The following MALRD1 variants were observed in gnomAD, a reference collection of about 807,000 sequenced individuals.
MALRD1 encodes the protein MAM and LDL-receptor class A domain-containing protein 1.
A neutral mutation model predicts 242.1 loss-of-function variants in MALRD1; 247 were observed. The ratio of observed to expected loss-of-function variants is 1.02; its 90% CI spans 0.92 to 1.13. The LOEUF (loss-of-function observed/expected upper bound fraction) is 1.13. MALRD1 is among the 50% of genes most tolerant of loss of function. The pLI, the probability that MALRD1 is intolerant of heterozygous loss-of-function variation, is 0.00. For synonymous variants in MALRD1, 995 were observed against 866.6 expected (o/e 1.15, Z -2.60); for missense variants, 2,989 against 2,533.1 (o/e 1.18, Z -3.86).
At chr10:19,187,345 T>C (rs1835785118) in intron 14 of MALRD1, among the ~76,000 whole-genome samples, 1 of 152,016 alleles carries the variant, frequency 6.6e-6, no homozygotes, top group African/African-American at 2.4e-5. Context: ...GCAAGGGAGC[T>C]TTGCAATTTC....
At chr10:19,570,141 T>G (rs1220095824) in intron 33 of MALRD1, among the ~76,000 whole-genome samples, 1 of 151,980 alleles carries the variant, frequency 6.6e-6, no homozygotes, top group African/African-American at 2.4e-5. Context: ...ACCTTGAACT[T>G]TGTCATTTTG....
At chr10:19,556,807 G>A (rs961702140) in intron 32 of MALRD1, among the ~76,000 whole-genome samples, 2 of 152,134 alleles carry the variant, frequency 1.3e-5, no homozygotes, top group Non-Finnish European at 2.9e-5. Context: ...CATGGTAAGA[G>A]TATGTTCAGT....
chr10:19,712,518 T>C (rs1834174751), intron 38 of MALRD1, among the ~76,000 whole-genome samples: 1 of 152,198 alleles, frequency 6.6e-6, no homozygotes, highest in South Asian at 2.1e-4. Flanking sequence ...AGACAGATTC[T>C]TAACATAAGG....
intron 18 of MALRD1, among the ~76,000 whole-genome samples, chr10:19,230,927 A>G (rs1003337887): frequency 6.6e-6 from 1 of 152,192 alleles, no homozygotes; most frequent in Non-Finnish European, 1.5e-5. Flanking sequence ...TTAACTGGCC[A>G]TGAAATAGCT....
chr10:19,348,769 C>A (rs1470378430), intron 25 of MALRD1, among the ~76,000 whole-genome samples: 1 of 152,110 alleles, frequency 6.6e-6, no homozygotes, highest in Non-Finnish European at 1.5e-5. Context: ...TTTACCTTTA[C>A]ATATAGTCCA....
intron 21 of MALRD1, among the ~76,000 whole-genome samples, chr10:19,297,673 A>C (rs1000254369): frequency 5.9e-5 from 9 of 151,950 alleles, no homozygotes; most frequent in African/African-American, 1.9e-4. Context: ...GCTATTTTGC[A>C]TACAAGATAT....
intron 39 of MALRD1, among the ~76,000 whole-genome samples, 169 bp downstream of exon 39, chr10:19,730,950 T>C (rs900706343): frequency 2.0e-5 from 3 of 152,230 alleles, no homozygotes; most frequent in African/African-American, 7.2e-5. Flanking sequence ...TTTCCATCTC[T>C]ATAAATATGC....
chr10:19,437,409 A>G (rs1728917959), intron 28 of MALRD1, among the ~76,000 whole-genome samples: 1 of 152,042 alleles, frequency 6.6e-6, no homozygotes, highest in African/African-American at 2.4e-5. Flanking sequence ...GAAGCTTGTG[A>G]CATTTTCTCT....
intron 31 of MALRD1, among the ~76,000 whole-genome samples, chr10:19,519,649 A>C (rs1414445363): frequency 6.6e-6 from 1 of 151,894 alleles, no homozygotes; most frequent in Non-Finnish European, 1.5e-5. Context: ...CTGTAGTCCT[A>C]GTTACTCGGG....
intron 14 of MALRD1, among the ~76,000 whole-genome samples, chr10:19,180,191 G>A (rs11008817): frequency 0.049 from 7,505 of 152,168 alleles, 283 homozygotes; most frequent in East Asian, 0.18. Flanking sequence ...GTGTGGTGGC[G>A]CAAAGAGTTG....
At chr10:19,414,101 A>G (rs185091913) in intron 28 of MALRD1, among the ~76,000 whole-genome samples, 79 of 152,076 alleles carry the variant, frequency 5.2e-4, no homozygotes, top group African/African-American at 1.8e-3. Context: ...TAGTAGTTTT[A>G]TCAGTAAGGT....
chr10:19,185,508 A>ATTAT (rs1159284978), intron 14 of MALRD1, among the ~76,000 whole-genome samples: 8 of 152,186 alleles, frequency 5.3e-5, no homozygotes, highest in Admixed American at 1.3e-4. Flanking sequence ...GGAGTGATTT[A>ATTAT]TTATTTATTT....
intron 36 of MALRD1, among the ~76,000 whole-genome samples, chr10:19,652,607 A>C (rs1371394216): frequency 6.6e-6 from 1 of 152,174 alleles, no homozygotes; most frequent in Admixed American, 6.5e-5. Context: ...GAACTGAAGC[A>C]AGGAGGATTT....
intron 19 of MALRD1, among the ~76,000 whole-genome samples, chr10:19,260,729 C>A (rs1588800142): frequency 6.6e-6 from 1 of 152,020 alleles, no homozygotes; most frequent in Admixed American, 6.6e-5. Flanking sequence ...GTATGTGGGG[C>A]AGGATTAATG....
chr10:19,598,631 A>G (rs1220350996), intron 34 of MALRD1, among the ~76,000 whole-genome samples: 3 of 152,088 alleles, frequency 2.0e-5, no homozygotes, highest in African/African-American at 2.4e-5. Context: ...CCTGAGACCC[A>G]TGCACATGAA....
At chr10:19,110,499 A>G (rs1836639107) in intron 5 of MALRD1, among the ~76,000 whole-genome samples, 2 of 152,334 alleles carry the variant, frequency 1.3e-5, no homozygotes, top group Non-Finnish European at 2.9e-5. Flanking sequence ...ACCTAGAAGT[A>G]AATAATTAAA....
At chr10:19,327,715 AT>A (rs1489662911) in intron 23 of MALRD1, 42 bp downstream of exon 23, 3 of 1,416,392 alleles carry the variant, frequency 2.1e-6, no homozygotes, top group African/African-American at 1.4e-5. Context: ...AGTTCTGCTG[AT>A]TTTTTTCATC....
chr10:19,169,737 C>A (rs1480707534), intron 13 of MALRD1, among the ~76,000 whole-genome samples: 1 of 152,146 alleles, frequency 6.6e-6, no homozygotes, highest in African/African-American at 2.4e-5. Context: ...GATATTCTAC[C>A]TACAAATAGT....
In MALRD1 at chr10:19,310,859, A is replaced by G. The variant is rs528478000; in HGVS notation, c.3420-13090A>G. 8.6e-5 allele frequency among the ~76,000 whole-genome samples: 13 copies of G among 151,500 alleles called. No homozygotes were observed. The South Asian group carries it at 2.7e-3, about 31-fold the overall frequency. ...CCCTTCTCCGGGTATTATCTATATTACAGTGCATGTCCCAGAATACCATCA... is the reference window on the plus strand; with the variant it reads ...CCCTTCTCCGGGTATTATCTATATTGCAGTGCATGTCCCAGAATACCATCA... On this transcript the variant is annotated intron_variant, in intron 21 of 39. Transcript: ENST00000454679.
Sources: gnomAD v4.1 joint callset for allele counts (sites outside exome capture counted in the v4.1 genomes callset) on GRCh38, gnomAD v4.1.1 for gene constraint, MANE v1.5 for transcripts, NCBI Gene and HGNC (gene_info 2026-07-23, HGNC 2026-07-21) for gene names.